Variants in DIP2C observed in about 807,000 individuals in gnomAD.
DIP2C encodes disco-interacting protein 2 homolog C.
DIP2C carries 33 observed loss-of-function variants against 192.4 expected under a neutral mutation model. The observed-to-expected ratio is 0.17, with a 90% confidence interval of 0.13 to 0.23. The LOEUF (loss-of-function observed/expected upper bound fraction) is 0.23. DIP2C is among the 10% of genes least tolerant of loss of function. DIP2C has a pLI of 1.00. For missense variants in DIP2C, 1,537 were observed against 2,110.1 expected, an observed-to-expected ratio of 0.73 and a Z score of 5.32; for synonymous variants, 979 against 864.1, an observed-to-expected ratio of 1.13 and a Z score of -2.33.
At chr10:430,398 C>G (rs970922785) in intron 4 of DIP2C, 1 of 152,286 alleles carries the variant, frequency 6.6e-6, no homozygotes, top group East Asian at 1.9e-4. Flanking sequence ...AGTGTCGACA[C>G]CTGAGAGGCA....
At chr10:282,531 TC>T (rs1954884204) in intron 35 of DIP2C, among the ~76,000 whole-genome samples, 1 of 152,246 alleles carries the variant, frequency 6.6e-6, no homozygotes, top group Non-Finnish European at 1.5e-5. Context: ...ACCAGGAACC[TC>T]AACTGCCACT....
At chr10:294,627 G>A (rs962134340) in intron 32 of DIP2C, among the ~76,000 whole-genome samples, 2 of 151,542 alleles carry the variant, frequency 1.3e-5, no homozygotes, top group Non-Finnish European at 1.5e-5. Flanking sequence ...AGAAAAAAAT[G>A]CATTAACGTT....
In DIP2C at chr10:534,103, G is replaced by A. The variant is rs934727335; in HGVS notation, c.86-47573C>T. On this transcript the variant is annotated intron_variant, in intron 1 of 36. Coordinates refer to ENST00000280886, the MANE Select transcript of DIP2C (RefSeq NM_014974.3). ...AACTGGGACGAGGAGCCCCTCCTGCGGATGCAGCAGAGGCCGCCCCCTGAC... is the reference window on the plus strand; with the variant it reads ...AACTGGGACGAGGAGCCCCTCCTGCAGATGCAGCAGAGGCCGCCCCCTGAC... 3.9e-5 allele frequency among the ~76,000 whole-genome samples: 6 copies of A among 152,096 alleles called. No homozygotes were observed. In the South Asian group the frequency reaches 6.2e-4, roughly 16 times the overall value.
intron 1 of DIP2C, among the ~76,000 whole-genome samples, chr10:512,598 C>G (rs886074571): frequency 2.0e-5 from 3 of 150,832 alleles, no homozygotes; most frequent in African/African-American, 7.3e-5. Flanking sequence ...AAACAAAAAG[C>G]AAAAACAACT....
intron 2 of DIP2C, among the ~76,000 whole-genome samples, chr10:476,230 G>A (rs948554969): frequency 6.6e-6 from 1 of 152,156 alleles, no homozygotes; most frequent in African/African-American, 2.4e-5. Context: ...GGCCGAGATG[G>A]AGATGAGGTT....
intron 31 of DIP2C, among the ~76,000 whole-genome samples, chr10:318,091 G>A (rs1238674415): frequency 6.6e-6 from 1 of 152,164 alleles, no homozygotes; most frequent in Non-Finnish European, 1.5e-5. Context: ...TGGCTTCCTG[G>A]GGCTATGGAG....
intron 1 of DIP2C, among the ~76,000 whole-genome samples, chr10:560,147 T>TA (rs932657277): frequency 6.6e-6 from 1 of 151,960 alleles, no homozygotes; most frequent in African/African-American, 2.4e-5. Context: ...GAGCTAGGTG[T>TA]AAAATGAGTC....
intron 3 of DIP2C, among the ~76,000 whole-genome samples, chr10:471,798 G>C (rs988209728): frequency 3.3e-5 from 5 of 152,162 alleles, no homozygotes; most frequent in Non-Finnish European, 2.9e-5. Flanking sequence ...TGTTGCCCAG[G>C]CTGGAGTGCA....
chr10:688,730 A>C (rs750484610), intron 1 of DIP2C, among the ~76,000 whole-genome samples: 38 of 152,350 alleles, frequency 2.5e-4, no homozygotes, highest in Admixed American at 6.5e-4. Flanking sequence ...CTCCGCCATG[A>C]AGAGCAAATA....
intron 14 of DIP2C, among the ~76,000 whole-genome samples, chr10:385,906 CG>C (rs1564645510): frequency 6.6e-6 from 1 of 152,138 alleles, no homozygotes; most frequent in African/African-American, 2.4e-5. Context: ...GCCGACTCCC[CG>C]CCACTCTGCT....
intron 34 of DIP2C, among the ~76,000 whole-genome samples, chr10:285,170 A>C (rs1019204127): frequency 1.3e-5 from 2 of 151,732 alleles, no homozygotes; most frequent in South Asian, 4.2e-4. Context: ...AAAAAAAAAA[A>C]ACACAAGGCC....
Position 277,412 on chromosome 10 carries a change from G to A in DIP2C, c.4584C>T (p.Asn1528=), listed in dbSNP as rs765275614. Residue 1528 remains asparagine (N), a synonymous_variant, in exon 37 of 37, where the codon AAC becomes AAT. Transcript: ENST00000280886. The part of the protein sequence containing the change: ...VVVDIGVIPI[N]SRGEKQRMHL... ...GCATGCGCTGCTTCTCCCCACGGGA[G>A]TTGATGGGGATGACGCCGATGTCCA... The A allele has an allele frequency of 4.3e-6, 7 of 1,614,226 alleles. No individual in the cohort carries two copies. In the South Asian group the frequency reaches 7.7e-5, roughly 18 times the overall value.
intron 3 of DIP2C, among the ~76,000 whole-genome samples, chr10:463,371 C>A (rs192066575): frequency 1.1e-4 from 16 of 152,120 alleles, no homozygotes; most frequent in Admixed American, 7.2e-4. Context: ...CAACAGGGGG[C>A]CAAATCATGA....
chr10:390,181 T>G (rs940329612), intron 12 of DIP2C, 83 bp downstream of exon 12: 1 of 1,587,488 alleles, frequency 6.3e-7, no homozygotes, highest in African/African-American at 1.3e-5. Context: ...TCCCTGAATT[T>G]TGGCACTCGT....
intron 3 of DIP2C, among the ~76,000 whole-genome samples, chr10:463,806 G>C (rs957796406): frequency 1.3e-5 from 2 of 151,934 alleles, no homozygotes; most frequent in Non-Finnish European, 2.9e-5. Flanking sequence ...TATAGACCAA[G>C]GGAACAGAAC....
intron 32 of DIP2C, among the ~76,000 whole-genome samples, chr10:304,348 TTGGGGACCAC>T (rs1228591112): frequency 6.6e-6 from 1 of 152,178 alleles, no homozygotes; most frequent in Non-Finnish European, 1.5e-5. Context: ...GGACACTGTC[TTGGGGACCAC>T]TGTGGTCTGT....
At chr10:662,706 A>C in intron 1 of DIP2C, 2 of 571,696 alleles carry the variant, frequency 3.5e-6, no homozygotes, top group African/African-American at 3.8e-5. Flanking sequence ...TGGGCAGAAA[A>C]TATATACAAT....
At position 578,106 on chromosome 10, in the gene DIP2C, T is replaced by C. The variant is rs576632365; in HGVS notation, c.86-91576A>G. On this transcript the variant is annotated intron_variant, in intron 1 of 36. Coordinates refer to ENST00000280886, the MANE Select transcript of DIP2C (RefSeq NM_014974.3). ...AAATGTTTTGCACAAAGTCCTTATTTTCCCTGTTTACTCGAAAGCTCTCTA... is the reference window on the plus strand; with the variant it reads ...AAATGTTTTGCACAAAGTCCTTATTCTCCCTGTTTACTCGAAAGCTCTCTA... 6.7e-4 allele frequency among the ~76,000 whole-genome samples: 102 copies of C among 152,374 alleles called. 2 individuals are homozygous for C. In the South Asian group the frequency reaches 0.021, roughly 31 times the overall value.
intron 1 of DIP2C, among the ~76,000 whole-genome samples, chr10:486,884 C>G (rs947573512): frequency 6.6e-6 from 1 of 152,246 alleles, no homozygotes; most frequent in African/African-American, 2.4e-5. Context: ...ACGACAGATC[C>G]TGCAGCTGCC....
Sources: gnomAD v4.1 joint callset for allele counts (sites outside exome capture counted in the v4.1 genomes callset) on GRCh38, gnomAD v4.1.1 for gene constraint, MANE v1.5 for transcripts, NCBI Gene and HGNC (gene_info 2026-07-23, HGNC 2026-07-21) for gene names.